BEND7: variants seen among roughly 807,000 people sequenced by gnomAD.
BEND7 encodes BEN domain containing 7.
Under a neutral mutation model 50.9 loss-of-function variants are expected in BEND7, and 28 were observed. That is an observed-to-expected ratio of 0.55 (90% confidence interval 0.41 to 0.75). BEND7 has a LOEUF of 0.75. BEND7 is among the 30% of genes least tolerant of loss of function. The probability of loss-of-function intolerance (pLI) is 0.00; values close to 1 mark genes in which losing one functional copy is unlikely to be tolerated. For missense variants in BEND7, 477 were observed against 491.3 expected, an observed-to-expected ratio of 0.97 and a Z score of 0.28; for synonymous variants, 170 against 183.9, an observed-to-expected ratio of 0.92 and a Z score of 0.61.
intron 2 of BEND7, among the ~76,000 whole-genome samples, chr10:13,513,412 T>C (rs951882065): frequency 2.0e-5 from 3 of 152,214 alleles, no homozygotes; most frequent in Non-Finnish European, 4.4e-5. Context: ...TAGCCTCACT[T>C]GGACATCTCA....
At chr10:13,498,071 CTTTTTT>C (rs67255529) in intron 3 of BEND7, among the ~76,000 whole-genome samples, 24,885 of 110,548 alleles carry the variant, frequency 0.23, 1,774 homozygotes, top group Middle Eastern at 0.3. Flanking sequence ...ATTTCTTTTT[CTTTTTT>C]TTTTTTTTTT....
At position 13,528,595 on chromosome 10, in the gene BEND7, CG is replaced by C; in HGVS notation, c.-63del. 1.2e-6 allele frequency: 1 copy of C among 835,634 alleles called. No homozygotes were observed. The highest frequency in any genetic ancestry group is 1.4e-6 in the Non-Finnish European group (1 of 699,858). 51.8% of individuals were successfully genotyped at this position (835,634 alleles called of 1,614,324 possible). A position where few individuals can be genotyped will look rare whatever the true frequency, so the allele number is the denominator to read the frequency against. ...GCGGCAGCGGCGGCAGCGGCAGCGG[CG>C]GCAGCGGCAGCGGCGGCGCGGGCTC... On this transcript the variant is annotated 5_prime_UTR_variant, in exon 1 of 9. Transcript: ENST00000466271.
chr10:13,493,603 T>C (rs888914556), intron 4 of BEND7, among the ~76,000 whole-genome samples: 1 of 152,174 alleles, frequency 6.6e-6, no homozygotes, highest in Non-Finnish European at 1.5e-5. Flanking sequence ...AGCAAATCAG[T>C]GAAATCTAGA....
At chr10:13,476,487 A>G (rs533526315) in intron 6 of BEND7, among the ~76,000 whole-genome samples, 1 of 152,370 alleles carries the variant, frequency 6.6e-6, no homozygotes, top group Admixed American at 6.5e-5. Context: ...ACTCCAGGAC[A>G]GTTTGATAGT....
intron 6 of BEND7, among the ~76,000 whole-genome samples, chr10:13,478,723 A>G (rs1479628639): frequency 1.3e-5 from 2 of 152,240 alleles, no homozygotes; most frequent in African/African-American, 4.8e-5. Context: ...ATATATGTCT[A>G]TGAATAAACA....
At chr10:13,468,766 G>C (rs2074509170) in intron 6 of BEND7, among the ~76,000 whole-genome samples, 1 of 152,186 alleles carries the variant, frequency 6.6e-6, no homozygotes, top group Admixed American at 6.5e-5. Context: ...AATTGAGCAG[G>C]GTGAGTTGCA....
chr10:13,502,775 C>G (rs1022141860), intron 2 of BEND7: 1 of 334,016 alleles, frequency 3.0e-6, no homozygotes, highest in Non-Finnish European at 4.3e-6. Flanking sequence ...CTAGCCTTCT[C>G]TGGCACAGGT....
chr10:13,461,897 G>A (rs2131290451), intron 6 of BEND7, among the ~76,000 whole-genome samples: 1 of 152,188 alleles, frequency 6.6e-6, no homozygotes, highest in South Asian at 2.1e-4. Context: ...CTTGAAACCT[G>A]GGCCACAACA....
At chr10:13,511,509 T>C (rs1200105778) in intron 2 of BEND7, among the ~76,000 whole-genome samples, 3 of 152,066 alleles carry the variant, frequency 2.0e-5, no homozygotes, top group Non-Finnish European at 2.9e-5. Flanking sequence ...CACAGTGAAA[T>C]TGGGCAGGAA....
intron 6 of BEND7, among the ~76,000 whole-genome samples, chr10:13,462,858 C>T (rs1354150985): frequency 6.6e-6 from 1 of 151,998 alleles, no homozygotes; most frequent in African/African-American, 2.4e-5. Flanking sequence ...AATAAAGAAA[C>T]CAAAGAACAC....
rs2077054877 is a variant in BEND7, at chr10:13,496,874, C to T, written c.463G>A (p.Val155Met). The stretch of plus-strand genomic sequence containing the variant: ...CAGTTTGATCCAGCTGATGAATTCA[C>T]CACTGGAAGTTCTCCTGAGCATGAA... ...TTSSNGELPV[V>M]NSSAGSNCCT... is the part of the protein sequence containing the mutation. The change falls in exon 4 of 9, where the codon GTG (valine) becomes ATG (methionine). Residue 155 changes from valine to methionine, a missense_variant. Physicochemically the swap from Val to Met is conservative, Grantham distance 21. Transcript: ENST00000466271. 1.2e-6 allele frequency: 2 copies of T among 1,606,288 alleles called. No homozygotes were observed. Among genetic ancestry groups the T allele is most frequent in the South Asian group, 1.1e-5 (1 of 90,706 alleles).
chr10:13,518,157 A>T (rs1419481521), intron 2 of BEND7, among the ~76,000 whole-genome samples: 2 of 152,222 alleles, frequency 1.3e-5, no homozygotes, highest in Non-Finnish European at 2.9e-5. Flanking sequence ...GTGTAAGAAA[A>T]GTAAAAGACC....
At chr10:13,447,357 AG>A in intron 7 of BEND7, 41 bp from the exon 8 acceptor site, 1 of 1,603,306 alleles carries the variant, frequency 6.2e-7, no homozygotes, top group Non-Finnish European at 8.5e-7. Context: ...CATTAGTTCC[AG>A]GGAGCACATT....
chr10:13,462,171 G>A (rs1840346133), intron 6 of BEND7, among the ~76,000 whole-genome samples: 1 of 152,164 alleles, frequency 6.6e-6, no homozygotes, highest in African/African-American at 2.4e-5. Context: ...TAAACATATA[G>A]TATCTTGTAT....
chr10:13,441,568 TG>T lies in BEND7; in HGVS notation c.*174del. ...AGCAGATCTCTTAACAGACCACAGT[TG>T]GAAGTTAGCGTTTCTGCCTTGACCA... is the stretch of plus-strand genomic sequence containing the variant. On this transcript the variant is annotated 3_prime_UTR_variant, in exon 9 of 9. Coordinates refer to ENST00000466271, the MANE Select transcript of BEND7 (RefSeq NM_001369863.1). 1.4e-6 allele frequency: 2 copies of T among 1,452,972 alleles called. No homozygotes were observed. Among genetic ancestry groups the T allele is most frequent in the Non-Finnish European group, 1.8e-6 (2 of 1,103,000 alleles). 90.0% of individuals were successfully genotyped at this position (1,452,972 alleles called of 1,614,324 possible).
At chr10:13,494,720 C>T (rs1426542827) in intron 4 of BEND7, among the ~76,000 whole-genome samples, 4 of 152,208 alleles carry the variant, frequency 2.6e-5, no homozygotes, top group Admixed American at 6.5e-5. Context: ...GTTTAAGGAA[C>T]ACGGGGACTA....
At chr10:13,451,125 C>T (rs927841622) in intron 7 of BEND7, among the ~76,000 whole-genome samples, 3 of 151,862 alleles carry the variant, frequency 2.0e-5, no homozygotes, top group Non-Finnish European at 4.4e-5. Context: ...TACTCAGACA[C>T]ATGATCCACT....
intron 4 of BEND7, among the ~76,000 whole-genome samples, chr10:13,494,823 A>G (rs866643200): frequency 4.1e-4 from 62 of 152,382 alleles, no homozygotes; most frequent in Admixed American, 5.2e-4. Context: ...TGTCTTCTTA[A>G]AAGAAAGGTG....
downstream of BEND7, chr10:13,440,990 T>C (rs1835241962): frequency 1.7e-6 from 1 of 599,954 alleles, no homozygotes; most frequent in African/African-American, 2.0e-5. Flanking sequence ...CTGTGGGAGA[T>C]CATCAGAGTA....
Sources: gnomAD v4.1 joint callset for allele counts (sites outside exome capture counted in the v4.1 genomes callset) on GRCh38, gnomAD v4.1.1 for gene constraint, MANE v1.5 for transcripts, NCBI Gene and HGNC (gene_info 2026-07-23, HGNC 2026-07-21) for gene names.